Variants in LONRF2 observed in about 807,000 individuals in gnomAD.
The protein encoded by LONRF2 is LON peptidase N-terminal domain and RING finger protein 2.
A neutral mutation model predicts 66.6 loss-of-function variants in LONRF2; 35 were observed. The ratio of observed to expected loss-of-function variants is 0.53; its 90% CI spans 0.40 to 0.70. LONRF2 has a LOEUF of 0.70. LONRF2 is among the 30% of genes least tolerant of loss of function. The pLI is 0.00. For synonymous variants in LONRF2, 417 were observed against 418.1 expected, an observed-to-expected ratio of 1.00 and a Z score of 0.03; for missense variants, 902 against 1,002.1, an observed-to-expected ratio of 0.90 and a Z score of 1.35.
In LONRF2 at chr2:100,321,425, G is replaced by T. The variant is rs764319667; in HGVS notation, c.669C>A (p.Ala223=). 2 of 1,480,260 alleles carry T rather than the reference G, an allele frequency of 1.4e-6. No individual in the cohort carries two copies. The highest frequency in any genetic ancestry group is 1.5e-5 in the African/African-American group (1 of 68,448). The allele number at this position is 1,480,260 out of a possible 1,614,324, so 91.7% of individuals were successfully genotyped here. The change falls in exon 1 of 12, where the codon GCC becomes GCA. Residue 223 remains alanine, a synonymous_variant. Coordinates refer to ENST00000393437, the MANE Select transcript of LONRF2 (RefSeq NM_198461.4). ...CCGCAGCCGACTCACCCAGCTCCAG[G>T]GCCTGGTCGCACCTGAGCAGCGCGG... is the stretch of plus-strand genomic sequence containing the variant. ...PEAALLRCDQ[A]LELAPDDNSL...
rs1674690329 is a variant in LONRF2 at position 100,280,377 on chromosome 2, A to G, written c.*3921T>C. The G allele has an allele frequency of 6.6e-6, 1 of 152,190 alleles. No individual in the cohort carries two copies. Among genetic ancestry groups the G allele is most frequent in the African/African-American group, 2.4e-5 (1 of 41,446 alleles). The allele number at this position is 152,190 out of a possible 1,614,324, so 9.4% of individuals were successfully genotyped here. The stretch of plus-strand genomic sequence containing the variant: ...CCCATCCAGAGCGGGCTTCCCTGGG[A>G]ATTAGTTTTTGGTGAACAATAGAAT... On this transcript the variant is annotated 3_prime_UTR_variant, in exon 12 of 12. Transcript: ENST00000393437.
rs1335044823 is a variant in LONRF2 at position 100,277,258 on chromosome 2, G to A, written c.*7040C>T. 6.6e-6 allele frequency: 1 copy of A among 152,110 alleles called. No homozygotes were observed. Among genetic ancestry groups the A allele is most frequent in the Non-Finnish European group, 1.5e-5 (1 of 68,044 alleles). The allele number at this position is 152,110 out of a possible 1,614,324, so 9.4% of individuals were successfully genotyped here. A position where few individuals can be genotyped will look rare whatever the true frequency, so the allele number is the denominator to read the frequency against. The stretch of plus-strand genomic sequence containing the variant: ...TTAGGATGGACATAAGGTGCCTAAG[G>A]GCTTTGGATGCAAGAAACTATCCCT... On this transcript the variant is annotated 3_prime_UTR_variant, in exon 12 of 12. Coordinates refer to ENST00000393437, the MANE Select transcript of LONRF2 (RefSeq NM_198461.4).
In LONRF2 at chr2:100,284,426, G is replaced by T; in HGVS notation, c.2137C>A (p.Gln713Lys). 1 of 1,607,838 alleles carries T rather than the reference G, an allele frequency of 6.2e-7. No individual in the cohort carries two copies. Among genetic ancestry groups the T allele is most frequent in the Non-Finnish European group, 8.5e-7 (1 of 1,177,514 alleles). ...GAGGTCATGCCGAGGATGGCCAGCT[G>T]AGCCTTGCGCTCCAGGGGCAGCACG... ...LAVLPLERKA[Q>K]LAILGMTSLK... Residue 713 changes from glutamine to lysine, a missense_variant, in exon 12 of 12, where the codon CAG (glutamine) becomes AAG (lysine). Transcript: ENST00000393437.
At chr2:100,318,547 T>C (rs1371211409) in intron 1 of LONRF2, among the ~76,000 whole-genome samples, 2 of 152,014 alleles carry the variant, frequency 1.3e-5, no homozygotes, top group African/African-American at 4.8e-5. Context: ...GCATCAGACA[T>C]CAGGTGTGGT....
chr2:100,321,916 G>T lies in LONRF2; in HGVS notation c.178C>A (p.Leu60Met). 7.4e-7 allele frequency: 1 copy of T among 1,357,134 alleles called. No homozygotes were observed. Among genetic ancestry groups the T allele is most frequent in the South Asian group, 1.7e-5 (1 of 57,684 alleles). 84.1% of individuals were successfully genotyped at this position (1,357,134 alleles called of 1,614,324 possible). The change falls in exon 1 of 12, where the codon CTG becomes ATG. Residue 60 changes from leucine to methionine, a missense_variant. Transcript: ENST00000393437. ...AGCGCGTCCCCCAGCCTCAGGCACAGGCCGCGGTCCGGCTGCGCCAGCCCG... is the reference window on the plus strand; with the variant it reads ...AGCGCGTCCCCCAGCCTCAGGCACATGCCGCGGTCCGGCTGCGCCAGCCCG... ...LAGLAQPDRG[L>M]CLRLGDALAR...
In LONRF2 at chr2:100,299,765, C is replaced by T. The variant is rs562655594; in HGVS notation, c.1219G>A (p.Val407Met). Residue 407 changes from valine (V) to methionine (M), a missense_variant, in exon 5 of 12, where the codon GTG becomes ATG. By Grantham distance (21) the Val-to-Met change is conservative. This residue lies in a region of LONRF2 where 585 missense variants were observed against 569.9 expected (regional missense o/e 1.03). Transcript: ENST00000393437. Reference sequence around the variant, plus strand: ...GCGTTCAGGTCAGGTGCATCCTCCACGTCATCCGGAAACTGTCTCTTTAAG... The same window carrying T: ...GCGTTCAGGTCAGGTGCATCCTCCATGTCATCCGGAAACTGTCTCTTTAAG... ...AGLKRQFPDD[V>M]EDAPDLNAPG... The T allele has an allele frequency of 1.6e-5, 26 of 1,614,068 alleles. No individual in the cohort carries two copies. Among genetic ancestry groups the T allele is most frequent in the South Asian group, 1.2e-4 (11 of 91,080 alleles).
rs1559172405 is a variant in LONRF2, at chr2:100,278,674, C to T, written c.*5624G>A. On this transcript the variant is annotated 3_prime_UTR_variant, in exon 12 of 12. Transcript: ENST00000393437. ...AGTGGGGGTCCGCTTAGAAAGGAGA[C>T]CCCACGTCTCACATCCCAGAAGACA... 1 of 152,162 alleles carries T rather than the reference C, an allele frequency of 6.6e-6. No homozygotes were observed. The highest frequency in any genetic ancestry group is 6.5e-5 in the Admixed American group (1 of 15,286). The allele number at this position is 152,162 out of a possible 1,614,324, so 9.4% of individuals were successfully genotyped here. A position where few individuals can be genotyped will look rare whatever the true frequency, so the allele number is the denominator to read the frequency against.
At chr2:100,300,831 C>T in intron 3 of LONRF2, 44 bp from the exon 4 acceptor site, 1 of 1,451,924 alleles carries the variant, frequency 6.9e-7, no homozygotes, top group Non-Finnish European at 9.1e-7. Flanking sequence ...TTTTAAAACA[C>T]TTTTGTAAAA....
In LONRF2 at chr2:100,295,548, C is replaced by A; in HGVS notation, c.1482G>T (p.Leu494Phe). The change falls in exon 8 of 12, where the codon TTG becomes TTT. Residue 494 changes from leucine to phenylalanine, a missense_variant. Physicochemically the swap from Leu to Phe is conservative, Grantham distance 22 (BLOSUM62 0). Around this residue, in one of 2 missense-constraint regions of LONRF2, gnomAD observed 317 missense variants for 432.2 expected, o/e 0.73. Transcript: ENST00000393437. ...PLCKDKLSELLASRNFNITVL... is the reference protein window; with the variant it reads ...PLCKDKLSELFASRNFNITVL... ...CAGTTATGTTAAAGTTTCTGCTTGCCAATAACTGTAACAAAAAAAAGTCAA... is the reference window on the plus strand; with the variant it reads ...CAGTTATGTTAAAGTTTCTGCTTGCAAATAACTGTAACAAAAAAAAGTCAA... 1 of 1,611,902 alleles carries A rather than the reference C, an allele frequency of 6.2e-7. No individual in the cohort carries two copies. Among genetic ancestry groups the A allele is most frequent in the South Asian group, 1.1e-5 (1 of 90,666 alleles).
In LONRF2 at chr2:100,275,896, CTG is replaced by C. The variant is rs1215539100; in HGVS notation, c.*8400_*8401del. The stretch of plus-strand genomic sequence containing the variant: ...AAAACATTAAAGGTAACTAAATAGA[CTG>C]TGTATTTATGCGTGTGAGTGCATAT... On this transcript the variant is annotated 3_prime_UTR_variant, in exon 12 of 12. Coordinates refer to ENST00000393437, the MANE Select transcript of LONRF2 (RefSeq NM_198461.4). 2.0e-5 allele frequency: 3 copies of C among 152,322 alleles called. No individual in the cohort carries two copies. The highest frequency in any genetic ancestry group is 4.8e-5 in the African/African-American group (2 of 41,562). 9.4% of individuals were successfully genotyped at this position (152,322 alleles called of 1,614,324 possible).
At chr2:100,298,764 C>A (rs1012928371) in intron 7 of LONRF2, 72 bp downstream of exon 7, 2 of 1,114,492 alleles carry the variant, frequency 1.8e-6, no homozygotes, top group African/African-American at 1.5e-5. Flanking sequence ...GGAAGCAACA[C>A]GAGACAGGGA....
chr2:100,318,205 A>T (rs1452586237), intron 1 of LONRF2, among the ~76,000 whole-genome samples: 2 of 152,154 alleles, frequency 1.3e-5, no homozygotes, highest in African/African-American at 4.8e-5. Context: ...GAGTTTTCTC[A>T]TTCAGATTTC....
rs769734501 is a variant in LONRF2 at position 100,284,336 on chromosome 2, G to A, written c.2227C>T (p.Arg743Trp). The A allele has an allele frequency of 1.5e-5, 24 of 1,579,168 alleles. No individual in the cohort carries two copies. The highest frequency in any genetic ancestry group is 4.7e-5 in the South Asian group (4 of 85,760). The change falls in exon 12 of 12, where the codon CGG becomes TGG. Residue 743 changes from arginine (R) to tryptophan (W), a missense_variant. Arg to Trp is a moderately radical substitution (Grantham distance 101). Coordinates refer to ENST00000393437, the MANE Select transcript of LONRF2 (RefSeq NM_198461.4). ...LVIITRKMNSRQELANARERN... is the reference protein window; with the variant it reads ...LVIITRKMNSWQELANARERN... ...TCCCTGGCATTAGCCAGCTCTTGCC[G>A]ACTATTCATCTTACGCGTGATGATG...
Position 100,278,276 on chromosome 2 carries a change from T to C in LONRF2, c.*6022A>G, listed in dbSNP as rs1674639836. ...AAGAGGGCTATGTCTTGCATTCTTG[T>C]ATATAAAAGCTCATTACATATTGGG... On this transcript the variant is annotated 3_prime_UTR_variant, in exon 12 of 12. Coordinates refer to ENST00000393437, the MANE Select transcript of LONRF2 (RefSeq NM_198461.4). The C allele has an allele frequency of 6.6e-6, 1 of 152,180 alleles. No homozygotes were observed. The highest frequency in any genetic ancestry group is 2.4e-5 in the African/African-American group (1 of 41,434). 9.4% of individuals were successfully genotyped at this position (152,180 alleles called of 1,614,324 possible).
At chr2:100,287,851 C>T (rs934015012) in intron 10 of LONRF2, among the ~76,000 whole-genome samples, 7 of 152,154 alleles carry the variant, frequency 4.6e-5, no homozygotes, top group African/African-American at 1.4e-4. Context: ...CTCACAGCCT[C>T]GTTAGGGCAG....
At chr2:100,312,645 T>C (rs1477367836) in intron 1 of LONRF2, among the ~76,000 whole-genome samples, 1 of 152,246 alleles carries the variant, frequency 6.6e-6, no homozygotes, top group East Asian at 1.9e-4. Context: ...CCATCTACAC[T>C]TGATCTTAGC....
intron 9 of LONRF2, among the ~76,000 whole-genome samples, chr2:100,291,736 C>A (rs937390262): frequency 6.6e-6 from 1 of 152,100 alleles, no homozygotes; most frequent in Non-Finnish European, 1.5e-5. Context: ...CAGCCCCTAC[C>A]TCTGCATGTC....
intron 1 of LONRF2, among the ~76,000 whole-genome samples, chr2:100,310,188 C>T (rs571113670): frequency 2.6e-5 from 4 of 152,264 alleles, no homozygotes; most frequent in Admixed American, 6.5e-5. Context: ...TTGCAGTCTA[C>T]GAAGTATTGA....
In LONRF2 at chr2:100,279,950, C is replaced by G. The variant is rs554329198; in HGVS notation, c.*4348G>C. On this transcript the variant is annotated 3_prime_UTR_variant, in exon 12 of 12. Coordinates refer to ENST00000393437, the MANE Select transcript of LONRF2 (RefSeq NM_198461.4). ...TGGCCCGGTGTGGTCTGCTGGGCCT[C>G]TCCTTCTTTCATTTCTGTAGGAATT... 3 of 152,368 alleles carry G rather than the reference C, an allele frequency of 2.0e-5. No homozygotes were observed. The South Asian group carries it at 6.2e-4, about 32-fold the overall frequency. The allele number at this position is 152,368 out of a possible 1,614,324, so 9.4% of individuals were successfully genotyped here.
Sources: gnomAD v4.1 joint callset for allele counts (sites outside exome capture counted in the v4.1 genomes callset) on GRCh38, gnomAD v4.1.1 for gene constraint, gnomAD v4.1.1 regional missense constraint, MANE v1.5 for transcripts, NCBI Gene and HGNC (gene_info 2026-07-23, HGNC 2026-07-21) for gene names.